The following LRRC7 variants were observed in gnomAD, a reference collection of about 807,000 sequenced individuals.
The protein encoded by LRRC7 is leucine-rich repeat-containing protein 7.
Under a neutral mutation model 175.7 loss-of-function variants are expected in LRRC7, and 23 were observed. The observed-to-expected ratio is 0.13, with a 90% CI of 0.09 to 0.19. The LOEUF is 0.19. Ranked by LOEUF, LRRC7 falls within the 10% of genes least tolerant of loss-of-function variation. The pLI is 1.00. For synonymous variants in LRRC7, 685 were observed against 680.9 expected (o/e 1.01, Z -0.09); for missense variants, 1,354 against 1,904.7 (o/e 0.71, Z 5.38).
chr1:69,811,362 T>A (rs11209548), intron 4 of LRRC7, among the ~76,000 whole-genome samples: 1 of 151,914 alleles, frequency 6.6e-6, no homozygotes, highest in South Asian at 2.1e-4. Context: ...GACAGTGTGG[T>A]GATTCCTCAA....
At chr1:69,806,296 G>C (rs530559865) in intron 4 of LRRC7, among the ~76,000 whole-genome samples, 1 of 151,922 alleles carries the variant, frequency 6.6e-6, no homozygotes, top group East Asian at 1.9e-4. Flanking sequence ...TGTTGAAGCA[G>C]AGAGAGAGAA....
At chr1:69,717,770 AAAAG>A (rs754971717) in intron 2 of LRRC7, among the ~76,000 whole-genome samples, 1,834 of 42,236 alleles carry the variant, frequency 0.043, 130 homozygotes, top group Non-Finnish European at 0.051. Flanking sequence ...AAAAAAGAAA[AAAAG>A]AAAGAAAGAA....
intron 24 of LRRC7, among the ~76,000 whole-genome samples, chr1:70,078,815 C>A (rs1264312347): frequency 8.5e-6 from 1 of 117,536 alleles, no homozygotes; most frequent in Non-Finnish European, 1.7e-5. Context: ...CGCGCGCACA[C>A]ACACACACGC....
intron 4 of LRRC7, among the ~76,000 whole-genome samples, chr1:69,824,530 T>A (rs927391766): frequency 6.6e-5 from 10 of 152,186 alleles, no homozygotes; most frequent in Middle Eastern, 3.4e-3. Flanking sequence ...TGGTGAAATT[T>A]TAAATAGAGA....
intron 10 of LRRC7, among the ~76,000 whole-genome samples, chr1:69,993,006 C>T (rs1401288241): frequency 6.6e-6 from 1 of 152,110 alleles, no homozygotes; most frequent in Non-Finnish European, 1.5e-5. Flanking sequence ...GCAGGACACT[C>T]GTCTGATCCA....
chr1:70,106,604 G>T (rs1665162168), intron 25 of LRRC7, among the ~76,000 whole-genome samples: 1 of 152,066 alleles, frequency 6.6e-6, no homozygotes, highest in Admixed American at 6.6e-5. Context: ...TCTTTCAGTA[G>T]CACCTGAAAT....
rs1194508723 is a variant in LRRC7, at chr1:70,021,071, C to T, written c.1487C>T (p.Thr496Ile). ...GAAGAGCAGAGACAACAACGCATGA[C>T]TGTTGCCTTTGAATTTGAAGACAAA... ...LWEEQRQQRM[T>I]VAFEFEDKKE... is the part of the protein sequence containing the mutation. The change falls in exon 16 of 27, where the codon ACT becomes ATT. Residue 496 changes from threonine (T) to isoleucine (I), a missense_variant. Physicochemically the swap from Thr to Ile is moderately conservative, Grantham distance 89. This residue lies in a region of LRRC7 where 1,032 missense variants were observed against 1,227.2 expected (regional missense o/e 0.84). Transcript: ENST00000651989. The T allele has an allele frequency of 6.2e-7, 1 of 1,612,886 alleles. No individual in the cohort carries two copies. The highest frequency in any genetic ancestry group is 8.5e-7 in the Non-Finnish European group (1 of 1,179,122).
intron 25 of LRRC7, among the ~76,000 whole-genome samples, chr1:70,099,481 G>T (rs916513204): frequency 3.3e-5 from 5 of 150,706 alleles, no homozygotes; most frequent in African/African-American, 1.2e-4. Flanking sequence ...GGGCAATTAG[G>T]CAGGAGAAGG....
chr1:69,919,705 G>A, intron 7 of LRRC7: 5 of 997,532 alleles, frequency 5.0e-6, no homozygotes, highest in Non-Finnish European at 7.9e-6. Flanking sequence ...CCAAGGCCAG[G>A]GGAGACCTGG....
At chr1:69,852,588 T>C (rs1683108768) in intron 7 of LRRC7, among the ~76,000 whole-genome samples, 1 of 152,190 alleles carries the variant, frequency 6.6e-6, no homozygotes, top group Non-Finnish European at 1.5e-5. Flanking sequence ...AGATGTCAAA[T>C]TGTTTTAGTA....
At chr1:70,076,955 T>A (rs921620301) in intron 24 of LRRC7, among the ~76,000 whole-genome samples, 1 of 152,206 alleles carries the variant, frequency 6.6e-6, no homozygotes, top group Non-Finnish European at 1.5e-5. Flanking sequence ...TTGCATCTAT[T>A]GAACTATATT....
intron 11 of LRRC7, among the ~76,000 whole-genome samples, chr1:70,008,638 C>T (rs1021337220): frequency 1.3e-5 from 2 of 152,136 alleles, no homozygotes; most frequent in African/African-American, 4.8e-5. Context: ...GGATTAATGA[C>T]GTTTTCCTTG....
At chr1:69,955,954 C>A (rs892642936) in intron 8 of LRRC7, among the ~76,000 whole-genome samples, 2 of 151,508 alleles carry the variant, frequency 1.3e-5, no homozygotes, top group African/African-American at 4.8e-5. Flanking sequence ...ATTAATATAC[C>A]CTGACAAACA....
intron 4 of LRRC7, among the ~76,000 whole-genome samples, chr1:69,820,402 G>T (rs532718285): frequency 1.8e-4 from 27 of 152,122 alleles, no homozygotes; most frequent in Middle Eastern, 3.4e-3. Context: ...AAGTTCTGGG[G>T]TATATGTACA....
intron 17 of LRRC7, among the ~76,000 whole-genome samples, chr1:70,027,218 A>G (rs908088656): frequency 1.3e-5 from 2 of 152,166 alleles, no homozygotes; most frequent in African/African-American, 4.8e-5. Context: ...GGAACAAGCC[A>G]GGCCAAGTAA....
At chr1:69,588,236 G>A (rs1349926840) in intron 1 of LRRC7, among the ~76,000 whole-genome samples, 2 of 152,038 alleles carry the variant, frequency 1.3e-5, no homozygotes, top group African/African-American at 4.8e-5. Flanking sequence ...AATTGTTGAT[G>A]TGTCTCTTTT....
At chr1:69,708,443 T>C (rs1439780290) in intron 2 of LRRC7, among the ~76,000 whole-genome samples, 1 of 152,204 alleles carries the variant, frequency 6.6e-6, no homozygotes, top group African/African-American at 2.4e-5. Flanking sequence ...TTAGTGCCTT[T>C]TTGAACGTTG....
chr1:70,109,418 C>T (rs1373391287), intron 26 of LRRC7, among the ~76,000 whole-genome samples: 5 of 152,204 alleles, frequency 3.3e-5, no homozygotes, highest in African/African-American at 1.2e-4. Context: ...CTACTTCAGC[C>T]TGTGCCAATG....
intron 7 of LRRC7, among the ~76,000 whole-genome samples, chr1:69,927,911 G>A (rs976597716): frequency 5.3e-5 from 8 of 152,198 alleles, no homozygotes; most frequent in Middle Eastern, 3.4e-3. Flanking sequence ...CAGTTTTTCT[G>A]CTCTGTTTTT....
Sources: allele counts gnomAD v4.1 joint callset (sites outside exome capture counted in the v4.1 genomes callset), GRCh38; gene constraint gnomAD v4.1.1; regional missense constraint gnomAD v4.1.1; transcripts MANE v1.5; gene names NCBI Gene and HGNC (gene_info 2026-07-23, HGNC 2026-07-21).